DGKD: variants seen among roughly 807,000 people sequenced by gnomAD.
The protein encoded by DGKD is DAG kinase delta.
Under a neutral mutation model 154.4 loss-of-function variants are expected in DGKD, and 68 were observed. The ratio of observed to expected loss-of-function variants is 0.44; its 90% CI spans 0.36 to 0.54. The LOEUF (loss-of-function observed/expected upper bound fraction) is 0.54. Among genes scored for constraint, DGKD ranks in the 20% least tolerant of loss-of-function variants. The pLI, the probability that DGKD is intolerant of heterozygous loss-of-function variation, is 0.00. For synonymous variants in DGKD, 693 were observed against 638.0 expected (o/e 1.09, Z -1.30); for missense variants, 1,343 against 1,593.6 (o/e 0.84, Z 2.68).
At position 233,449,223 on chromosome 2, in the gene DGKD, G is replaced by A. The variant is rs2063185735; in HGVS notation, c.1735G>A (p.Gly579Arg). 1.2e-6 allele frequency: 2 copies of A among 1,613,916 alleles called. No individual in the cohort carries two copies. The highest frequency in any genetic ancestry group is 1.7e-5 in the Admixed American group (1 of 60,036). Residue 579 changes from glycine to arginine, a missense_variant, in exon 15 of 30, where the codon GGG becomes AGG. Physicochemically the swap from Gly to Arg is moderately radical, Grantham distance 125. Transcript: ENST00000264057. This position sits in a 1 kb window ranked among gnomAD's most constrained non-coding sequence, Gnocchi z 5.3. ...TGCCGAGGAGGCTGAAGATGGAGAT[G>A]GGTCGGGCAGCATCTGCGGTTCCAC... Reference protein sequence around the residue: ...TIAEEAEDGDGSGSICGSTGD... With the variant: ...TIAEEAEDGDRSGSICGSTGD...
At chr2:233,461,221 A>G (rs529292092) in intron 24 of DGKD, among the ~76,000 whole-genome samples, 1 of 152,122 alleles carries the variant, frequency 6.6e-6, no homozygotes, top group African/African-American at 2.4e-5. Context: ...GCCTGCCTGC[A>G]TTCTCCCCCC....
At chr2:233,364,172 A>G (rs924442684) in intron 1 of DGKD, among the ~76,000 whole-genome samples, 12 of 152,262 alleles carry the variant, frequency 7.9e-5, no homozygotes, top group African/African-American at 2.9e-4. Context: ...TTGAAATTTA[A>G]GTCCTCAAAG....
At chr2:233,367,820 T>G (rs1466330556) in intron 1 of DGKD, among the ~76,000 whole-genome samples, 2 of 151,180 alleles carry the variant, frequency 1.3e-5, no homozygotes, top group African/African-American at 4.9e-5. Context: ...GGTTTACAGA[T>G]TTCTAGGTCT....
At position 233,388,373 on chromosome 2, in the gene DGKD, G is replaced by A; in HGVS notation, c.267+6G>A. 3 of 1,610,568 alleles carry A rather than the reference G, an allele frequency of 1.9e-6. No individual in the cohort carries two copies. The highest frequency in any genetic ancestry group is 2.5e-6 in the Non-Finnish European group (3 of 1,178,500). On this transcript the variant is annotated splice_donor_region_variant and intron_variant, in intron 2 of 29. Coordinates refer to ENST00000264057, the MANE Select transcript of DGKD (RefSeq NM_152879.3). ...ACTATGCCAAAACGGCAAAGGTGAG[G>A]CCCCATGCAGGAAAGCACACGCGAG...
chr2:233,366,121 C>T (rs759877423), intron 1 of DGKD, among the ~76,000 whole-genome samples: 2 of 152,126 alleles, frequency 1.3e-5, no homozygotes, highest in South Asian at 2.1e-4. Context: ...TGGTAAGCAT[C>T]GGGAGCCTTT....
intron 1 of DGKD, among the ~76,000 whole-genome samples, chr2:233,386,449 A>C (rs1055184626): frequency 6.6e-6 from 1 of 150,938 alleles, no homozygotes; most frequent in Non-Finnish European, 1.5e-5. Context: ...TCGCTACCAG[A>C]ATCGGGGTGG....
At chr2:233,424,721 G>T (rs574978385) in intron 3 of DGKD, among the ~76,000 whole-genome samples, 16 of 152,346 alleles carry the variant, frequency 1.1e-4, no homozygotes, top group African/African-American at 3.6e-4. Context: ...TTTGCTGTGG[G>T]ACTGTGAGCA....
rs1168999290 is a variant in DGKD, at chr2:233,469,831, G to A, written c.*371G>A. 4.8e-6 allele frequency: 1 copy of A among 209,898 alleles called. No individual in the cohort carries two copies. The highest frequency in any genetic ancestry group is 9.6e-5 in the South Asian group (1 of 10,412). The allele number at this position is 209,898 out of a possible 1,614,324, so 13.0% of individuals were successfully genotyped here. Reference sequence around the variant, plus strand: ...TGGCCTCGTGCTTGGATTGTCCCGGGGGCTCCTCTCCGTGTGTCCTTCTGT... The same window carrying A: ...TGGCCTCGTGCTTGGATTGTCCCGGAGGCTCCTCTCCGTGTGTCCTTCTGT... On this transcript the variant is annotated 3_prime_UTR_variant, in exon 30 of 30. Transcript: ENST00000264057.
In DGKD at chr2:233,354,599, C is replaced by T; in HGVS notation, c.81C>T (p.Ser27=). Residue 27 remains serine, a synonymous_variant, in exon 1 of 30, where the codon AGC becomes AGT. Coordinates refer to ENST00000264057, the MANE Select transcript of DGKD (RefSeq NM_152879.3). The surrounding 1 kb of genome is among the most constrained non-coding windows in gnomAD (Gnocchi z 4.8). ...PPPPPEESSD[S]EPEAEPGSPQ... ...CGCCGCCCGAGGAGTCGTCCGACAG[C>T]GAGCCCGAGGCGGAGCCCGGCTCCC... 1 of 1,120,096 alleles carries T rather than the reference C, an allele frequency of 8.9e-7. No homozygotes were observed. The highest frequency in any genetic ancestry group is 1.1e-6 in the Non-Finnish European group (1 of 899,532). The allele number at this position is 1,120,096 out of a possible 1,614,324, so 69.4% of individuals were successfully genotyped here. A position where few individuals can be genotyped will look rare whatever the true frequency, so the allele number is the denominator to read the frequency against.
At chr2:233,402,636 C>T (rs1016765970) in intron 3 of DGKD, among the ~76,000 whole-genome samples, 3 of 152,332 alleles carry the variant, frequency 2.0e-5, no homozygotes, top group Middle Eastern at 3.4e-3. Context: ...TTACAATTTC[C>T]CAGCTCATGT....
In DGKD at chr2:233,449,731, G is replaced by T. The variant is rs951783465; in HGVS notation, c.1889-251G>T. On this transcript the variant is annotated intron_variant, in intron 15 of 29. Transcript: ENST00000264057. This position sits in a 1 kb window ranked among gnomAD's most constrained non-coding sequence, Gnocchi z 5.3. The stretch of plus-strand genomic sequence containing the variant: ...CTTGCAGCCCTCCAGCCTGCGCCAG[G>T]CTCCTCTGCATCCCTTGCCTTCCCC... Among the ~76,000 whole-genome samples, 2 of 152,076 alleles carry T rather than the reference G, an allele frequency of 1.3e-5. No individual in the cohort carries two copies. The highest frequency in any genetic ancestry group is 1.5e-5 in the Non-Finnish European group (1 of 68,004).
intron 12 of DGKD, chr2:233,447,349 A>G (rs2063115493): frequency 2.8e-6 from 1 of 356,216 alleles, no homozygotes; most frequent in Non-Finnish European, 3.9e-6. Context: ...CTTTGTCTTT[A>G]GTTTCTATTT....
At chr2:233,411,745 C>T (rs74895600) in intron 3 of DGKD, among the ~76,000 whole-genome samples, 1,560 of 152,206 alleles carry the variant, frequency 0.01, 31 homozygotes, top group African/African-American at 0.035. Context: ...TTGTCTACCT[C>T]GGCTTGCAAA....
chr2:233,460,069 TAAA>T (rs780838849), intron 23 of DGKD, 122 bp from the exon 24 acceptor site: 80 of 1,371,632 alleles, frequency 5.8e-5, no homozygotes, highest in South Asian at 2.9e-4. Context: ...CCCCTAATGT[TAAA>T]AAAAAAAAAA....
Position 233,441,551 on chromosome 2 carries a change from G to A in DGKD, c.1086-336G>A, listed in dbSNP as rs917105114. On this transcript the variant is annotated intron_variant, in intron 9 of 29. Transcript: ENST00000264057. This position sits in a 1 kb window ranked among gnomAD's most constrained non-coding sequence, Gnocchi z 5.6. ...ATGGTTAGGGGCCACGGCAGGCTGT[G>A]CCCGTGAGCCTGGCAGGGGATGCAG... Among the ~76,000 whole-genome samples the A allele has an allele frequency of 1.3e-5, 2 of 152,230 alleles. No individual in the cohort carries two copies. The highest frequency in any genetic ancestry group is 4.8e-5 in the African/African-American group (2 of 41,450).
chr2:233,354,618 G>A lies in DGKD; in HGVS notation c.100G>A (p.Gly34Ser), dbSNP rs1701451242. 1 of 1,128,916 alleles carries A rather than the reference G, an allele frequency of 8.9e-7. No homozygotes were observed. Among genetic ancestry groups the A allele is most frequent in the East Asian group, 8.7e-5 (1 of 11,544 alleles). 69.9% of individuals were successfully genotyped at this position (1,128,916 alleles called of 1,614,324 possible). A position where few individuals can be genotyped will look rare whatever the true frequency, so the allele number is the denominator to read the frequency against. ...SSDSEPEAEP[G>S]SPQKLIRKVS... ...CGACAGCGAGCCCGAGGCGGAGCCC[G>A]GCTCCCCACAGAAGCTCATCCGCAA... Residue 34 changes from glycine to serine, a missense_variant, in exon 1 of 30, where the codon GGC becomes AGC. Around this residue, in one of 6 missense-constraint regions of DGKD, gnomAD observed 332 missense variants for 400.1 expected, o/e 0.83. Transcript: ENST00000264057. The surrounding 1 kb of genome is among the most constrained non-coding windows in gnomAD (Gnocchi z 4.8).
At chr2:233,417,144 C>G (rs1304505390) in intron 3 of DGKD, among the ~76,000 whole-genome samples, 1 of 152,078 alleles carries the variant, frequency 6.6e-6, no homozygotes, top group Non-Finnish European at 1.5e-5. Context: ...CTGATTCTCC[C>G]TCCTCAGCCT....
chr2:233,358,714 G>C (rs912970723), intron 1 of DGKD, among the ~76,000 whole-genome samples: 1 of 152,116 alleles, frequency 6.6e-6, no homozygotes, highest in Non-Finnish European at 1.5e-5. Context: ...TCCATGTCAT[G>C]GCATGTATCG....
At chr2:233,433,982 G>A (rs2062611723) in intron 3 of DGKD, among the ~76,000 whole-genome samples, 1 of 152,208 alleles carries the variant, frequency 6.6e-6, no homozygotes, top group Non-Finnish European at 1.5e-5. Flanking sequence ...CAGCTGAGCA[G>A]ACTTCCCTCA....
Sources: gnomAD v4.1 joint callset for allele counts (sites outside exome capture counted in the v4.1 genomes callset) on GRCh38, gnomAD v4.1.1 for gene constraint, gnomAD v4.1.1 regional missense constraint, Gnocchi (gnomAD v3.1) non-coding constraint, MANE v1.5 for transcripts, NCBI Gene and HGNC (gene_info 2026-07-23, HGNC 2026-07-21) for gene names.